BCL2L13: variants seen among roughly 807,000 people sequenced by gnomAD.
The protein encoded by BCL2L13 is bcl-2-like protein 13.
Under a neutral mutation model 25.8 loss-of-function variants are expected in BCL2L13, and 13 were observed. That is an observed-to-expected ratio of 0.50 (90% CI 0.33 to 0.80). The LOEUF (loss-of-function observed/expected upper bound fraction) is 0.80. Ranked by LOEUF, BCL2L13 falls within the 30% of genes least tolerant of loss-of-function variation. BCL2L13 has a pLI of 0.02. For synonymous variants in BCL2L13, 244 were observed against 230.3 expected, an observed-to-expected ratio of 1.06 and a Z score of -0.54; for missense variants, 504 against 574.9, an observed-to-expected ratio of 0.88 and a Z score of 1.26.
At chr22:17,700,591 T>C (rs2060404030) in intron 5 of BCL2L13, among the ~76,000 whole-genome samples, 1 of 152,222 alleles carries the variant, frequency 6.6e-6, no homozygotes, top group Admixed American at 6.5e-5. Flanking sequence ...CACTGGTTCA[T>C]AAGCCACTCC....
chr22:17,666,264 G>A (rs1431584334), intron 2 of BCL2L13, among the ~76,000 whole-genome samples: 3 of 150,982 alleles, frequency 2.0e-5, no homozygotes, highest in East Asian at 3.9e-4. Flanking sequence ...TATTTATGGG[G>A]TACATAAGAT....
rs995327082 is a variant in BCL2L13, at chr22:17,660,861, T to C, written c.121+5029T>C. On this transcript the variant is annotated intron_variant, in intron 2 of 6. Transcript: ENST00000317582. ...GTGCAGTGGCACCATCTTGGCTCAT[T>C]GCAACCTCCACCTCCTGGGTTCAAG... is the stretch of plus-strand genomic sequence containing the variant. Among the ~76,000 whole-genome samples the C allele has an allele frequency of 6.8e-5, 10 of 146,520 alleles. 1 individual carries two copies. The highest frequency in any genetic ancestry group is 6.1e-4 in the Admixed American group (9 of 14,698).
chr22:17,676,983 A>G (rs2059593258), intron 2 of BCL2L13, among the ~76,000 whole-genome samples: 1 of 152,208 alleles, frequency 6.6e-6, no homozygotes, highest in South Asian at 2.1e-4. Flanking sequence ...CTTAGGCAGA[A>G]GTAAGTGAAA....
chr22:17,692,862 C>T (rs938272495), intron 4 of BCL2L13, among the ~76,000 whole-genome samples: 2 of 151,858 alleles, frequency 1.3e-5, no homozygotes, highest in African/African-American at 4.8e-5. Context: ...TTTATTTAGC[C>T]CAGTACATCT....
At chr22:17,706,861 G>A (rs1437488180) in intron 6 of BCL2L13, 3 of 1,340,482 alleles carry the variant, frequency 2.2e-6, no homozygotes, top group East Asian at 9.1e-5. Flanking sequence ...GTCGTCACAT[G>A]ATAAATACTT....
At chr22:17,639,856 C>CTTT (rs113964087) in intron 1 of BCL2L13, among the ~76,000 whole-genome samples, 10 of 140,910 alleles carry the variant, frequency 7.1e-5, no homozygotes, top group African/African-American at 2.3e-4. Flanking sequence ...TACCTTCTTT[C>CTTT]TTTTTTTTTT....
chr22:17,632,190 G>A (rs5746449), intron 1 of BCL2L13, among the ~76,000 whole-genome samples: 19,760 of 151,892 alleles, frequency 0.13, 1,760 homozygotes, highest in Non-Finnish European at 0.19. Context: ...GACAATAAAC[G>A]TTGCCATTTA....
At chr22:17,709,090 G>T (rs1209506578) in intron 6 of BCL2L13, among the ~76,000 whole-genome samples, 1 of 151,978 alleles carries the variant, frequency 6.6e-6, no homozygotes, top group Non-Finnish European at 1.5e-5. Flanking sequence ...CAAAAAATTA[G>T]CTGGGCGTGG....
At chr22:17,671,210 C>T (rs1050284756) in intron 2 of BCL2L13, among the ~76,000 whole-genome samples, 3 of 151,660 alleles carry the variant, frequency 2.0e-5, no homozygotes, top group African/African-American at 4.8e-5. Flanking sequence ...CTGGCTAAGA[C>T]GGTGAAACCC....
chr22:17,640,391 C>G (rs73876482), intron 1 of BCL2L13, among the ~76,000 whole-genome samples: 2,256 of 151,956 alleles, frequency 0.015, 57 homozygotes, highest in African/African-American at 0.05. Flanking sequence ...TTAGTTGTCT[C>G]CTACAGCAAG....
At chr22:17,720,154 T>TTTTGTTTCTTTCTTTCTTTCTTTC (rs1555897233) in intron 6 of BCL2L13, among the ~76,000 whole-genome samples, 2 of 141,736 alleles carry the variant, frequency 1.4e-5, no homozygotes, top group East Asian at 4.2e-4. Context: ...GTGGGTTTCA[T>TTTTGTTTCTTTCTTTCTTTCTTTC]TTTCTTTCTT....
chr22:17,720,526 T>C (rs1264902678), intron 6 of BCL2L13, among the ~76,000 whole-genome samples: 1 of 151,818 alleles, frequency 6.6e-6, no homozygotes, highest in Non-Finnish European at 1.5e-5. Flanking sequence ...CTGGCTAATT[T>C]TTTTGTATTT....
At chr22:17,714,503 T>G (rs1296018011) in intron 6 of BCL2L13, among the ~76,000 whole-genome samples, 3 of 152,106 alleles carry the variant, frequency 2.0e-5, no homozygotes, top group Non-Finnish European at 2.9e-5. Context: ...CAGGAAAGGC[T>G]TCTGTAAAGA....
intron 3 of BCL2L13, among the ~76,000 whole-genome samples, chr22:17,685,058 G>C (rs1208678428): frequency 6.6e-6 from 1 of 151,848 alleles, no homozygotes; most frequent in East Asian, 1.9e-4. Context: ...ACGTTTAATA[G>C]AGACAAGGTT....
At chr22:17,719,810 AGAGT>A (rs1300752698) in intron 6 of BCL2L13, among the ~76,000 whole-genome samples, 1 of 140,354 alleles carries the variant, frequency 7.1e-6, no homozygotes, top group Admixed American at 8.1e-5. Context: ...GCCTGGCGAA[AGAGT>A]GAGACTCCAT....
At chr22:17,629,665 T>G in intron 1 of BCL2L13, among the ~76,000 whole-genome samples, 1 of 152,192 alleles carries the variant, frequency 6.6e-6, no homozygotes, top group Non-Finnish European at 1.5e-5. Flanking sequence ...TTTTTCTTTT[T>G]ACTGTGCTAT....
In BCL2L13 at chr22:17,638,810, C is replaced by T. The variant is rs2058159667; in HGVS notation, c.-127C>T. On this transcript the variant is annotated 5_prime_UTR_variant, in exon 1 of 7. Transcript: ENST00000317582. ...TAGGGCCGCGGGTCGGAGCACTCAC[C>T]GCCGCTGGGGGACCCTGTCGGAAGC... 5 of 1,231,964 alleles carry T rather than the reference C, an allele frequency of 4.1e-6. No individual in the cohort carries two copies. Among genetic ancestry groups the T allele is most frequent in the Non-Finnish European group, 5.1e-6 (5 of 988,178 alleles). 76.3% of individuals were successfully genotyped at this position (1,231,964 alleles called of 1,614,324 possible).
upstream of BCL2L13, among the ~76,000 whole-genome samples, chr22:17,637,620 C>T (rs184431468): frequency 1.1e-4 from 16 of 151,930 alleles, no homozygotes; most frequent in African/African-American, 3.9e-4. Context: ...TCAAGTGATC[C>T]GCCCACCTTG....
At chr22:17,702,684 C>T (rs966769959) in intron 6 of BCL2L13, 15 of 218,292 alleles carry the variant, frequency 6.9e-5, no homozygotes, top group Non-Finnish European at 1.2e-4. Context: ...TATAAATTTT[C>T]CTTATATGTT....
Sources: gnomAD v4.1 joint callset for allele counts (sites outside exome capture counted in the v4.1 genomes callset) on GRCh38, gnomAD v4.1.1 for gene constraint, MANE v1.5 for transcripts, NCBI Gene and HGNC (gene_info 2026-07-23, HGNC 2026-07-21) for gene names.